The following NBEA variants were observed in gnomAD, a reference collection of about 807,000 sequenced individuals.
NBEA encodes neurobeachin, also known as lysosomal-trafficking regulator 2.
Under a neutral mutation model 343.4 loss-of-function variants are expected in NBEA, and 44 were observed. The ratio of observed to expected loss-of-function variants is 0.13; its 90% CI spans 0.10 to 0.16. The LOEUF is 0.16. Ranked by LOEUF, NBEA falls within the 10% of genes least tolerant of loss-of-function variation. NBEA has a pLI of 1.00. For synonymous variants in NBEA, 1,175 were observed against 1,238.7 expected, an observed-to-expected ratio of 0.95 and a Z score of 1.08; for missense variants, 2,555 against 3,631.3, an observed-to-expected ratio of 0.70 and a Z score of 7.62.
At chr13:35,248,043 C>T (rs2031460350) in intron 34 of NBEA, among the ~76,000 whole-genome samples, 2 of 152,092 alleles carry the variant, frequency 1.3e-5, no homozygotes, top group Non-Finnish European at 2.9e-5. Context: ...AACCACACAA[C>T]CTACCCAGAT....
intron 38 of NBEA, among the ~76,000 whole-genome samples, chr13:35,427,135 T>C (rs1452661757): frequency 2.0e-5 from 3 of 152,352 alleles, no homozygotes; most frequent in African/African-American, 7.2e-5. Flanking sequence ...TCTCAACTCG[T>C]CAAAGTCATT....
At chr13:35,556,515 T>G (rs538212653) in intron 44 of NBEA, among the ~76,000 whole-genome samples, 1 of 152,204 alleles carries the variant, frequency 6.6e-6, no homozygotes, top group South Asian at 2.1e-4. Flanking sequence ...TTATACTTTT[T>G]TTTAATGTCC....
chr13:35,195,093 A>C (rs372645373), intron 30 of NBEA, among the ~76,000 whole-genome samples: 1 of 152,112 alleles, frequency 6.6e-6, no homozygotes, highest in Non-Finnish European at 1.5e-5. Flanking sequence ...ATTATCTTGA[A>C]TATTTCAGAT....
intron 33 of NBEA, among the ~76,000 whole-genome samples, chr13:35,217,342 G>T (rs1324516862): frequency 6.6e-6 from 1 of 151,736 alleles, no homozygotes. Context: ...CTTTTAATGG[G>T]TTTTTTAGCA....
chr13:35,443,061 A>G (rs896571037), intron 39 of NBEA, among the ~76,000 whole-genome samples: 31 of 152,004 alleles, frequency 2.0e-4, no homozygotes, highest in African/African-American at 7.2e-4. Flanking sequence ...ATTCCAATCA[A>G]TTGTTTACAA....
intron 10 of NBEA, among the ~76,000 whole-genome samples, chr13:35,084,910 G>A (rs1285832411): frequency 1.3e-5 from 2 of 151,976 alleles, no homozygotes; most frequent in African/African-American, 4.8e-5. Flanking sequence ...TATCACCACC[G>A]ATCCCACAGA....
chr13:35,281,794 T>A (rs2152811659), intron 34 of NBEA, among the ~76,000 whole-genome samples: 1 of 152,272 alleles, frequency 6.6e-6, no homozygotes, highest in South Asian at 2.1e-4. Flanking sequence ...TTAGTAAATA[T>A]ATTTATTTGA....
At chr13:35,286,835 A>G (rs1056589649) in intron 34 of NBEA, among the ~76,000 whole-genome samples, 3 of 151,864 alleles carry the variant, frequency 2.0e-5, no homozygotes, top group African/African-American at 4.8e-5. Context: ...CATTCTGAAA[A>G]TAGAAATTGA....
At chr13:35,152,428 T>C (rs933542553) in intron 18 of NBEA, among the ~76,000 whole-genome samples, 2 of 152,158 alleles carry the variant, frequency 1.3e-5, no homozygotes, top group Non-Finnish European at 2.9e-5. Context: ...CCAAATACAG[T>C]GGCAGTTAGA....
At chr13:35,442,784 T>C (rs1351176345) in intron 39 of NBEA, among the ~76,000 whole-genome samples, 1 of 152,144 alleles carries the variant, frequency 6.6e-6, no homozygotes, top group Non-Finnish European at 1.5e-5. Context: ...TGCATGACTT[T>C]GAAAATCAGT....
intron 2 of NBEA, among the ~76,000 whole-genome samples, chr13:35,044,034 G>C (rs2062754281): frequency 6.6e-6 from 1 of 152,078 alleles, no homozygotes; most frequent in African/African-American, 2.4e-5. Flanking sequence ...GACAGAAAAA[G>C]TATTAATCAC....
intron 17 of NBEA, among the ~76,000 whole-genome samples, chr13:35,127,042 A>G (rs2067172597): frequency 6.6e-6 from 1 of 152,126 alleles, no homozygotes; most frequent in Admixed American, 6.6e-5. Flanking sequence ...TAGATGTAAG[A>G]TTTTGCCATT....
intron 40 of NBEA, among the ~76,000 whole-genome samples, chr13:35,462,803 G>C (rs1472641554): frequency 6.6e-6 from 1 of 152,084 alleles, no homozygotes; most frequent in Non-Finnish European, 1.5e-5. Flanking sequence ...AAAATTAGAA[G>C]GTAATTTGTG....
chr13:35,408,440 C>T (rs969844056), intron 38 of NBEA, among the ~76,000 whole-genome samples: 7 of 152,108 alleles, frequency 4.6e-5, no homozygotes, highest in Non-Finnish European at 7.4e-5. Context: ...CCATTCAGGA[C>T]GTAGGCATGG....
chr13:35,343,691 T>C (rs1449704061), intron 36 of NBEA, among the ~76,000 whole-genome samples: 1 of 152,070 alleles, frequency 6.6e-6, no homozygotes. Context: ...CATAGGAGCA[T>C]GGACCCTATT....
At chr13:35,228,505 G>T (rs1322950877) in intron 33 of NBEA, among the ~76,000 whole-genome samples, 1 of 151,808 alleles carries the variant, frequency 6.6e-6, no homozygotes, top group Non-Finnish European at 1.5e-5. Context: ...TACCCATTAA[G>T]TAATTTCTTA....
At chr13:34,994,938 G>T (rs2060887847) in intron 1 of NBEA, among the ~76,000 whole-genome samples, 1 of 152,150 alleles carries the variant, frequency 6.6e-6, no homozygotes, top group Non-Finnish European at 1.5e-5. Context: ...TGATTTCAAA[G>T]AATTATTATA....
At chr13:35,263,747 C>T (rs1014916945) in intron 34 of NBEA, among the ~76,000 whole-genome samples, 38 of 151,946 alleles carry the variant, frequency 2.5e-4, no homozygotes, top group Admixed American at 1.2e-3. Flanking sequence ...ATGGAAACAA[C>T]ATACCAACAC....
chr13:35,009,018 A>T (rs2061402875), intron 1 of NBEA, among the ~76,000 whole-genome samples: 1 of 152,142 alleles, frequency 6.6e-6, no homozygotes, highest in African/African-American at 2.4e-5. Flanking sequence ...TTCTCTCTTG[A>T]TCTGCCTTTG....
Sources: allele counts gnomAD v4.1 joint callset (sites outside exome capture counted in the v4.1 genomes callset), GRCh38; gene constraint gnomAD v4.1.1; transcripts MANE v1.5; gene names NCBI Gene and HGNC (gene_info 2026-07-23, HGNC 2026-07-21).